The following ZNF407 variants were observed in gnomAD, a reference collection of about 807,000 sequenced individuals.
ZNF407 encodes zinc finger protein 407.
Under a neutral mutation model 131.2 loss-of-function variants are expected in ZNF407, and 17 were observed. That is an observed-to-expected ratio of 0.13 (90% CI 0.09 to 0.19). The LOEUF (loss-of-function observed/expected upper bound fraction) is 0.19. ZNF407 is among the 10% of genes least tolerant of loss of function. ZNF407 has a pLI of 1.00. For synonymous variants in ZNF407, 1,156 were observed against 1,062.0 expected, an observed-to-expected ratio of 1.09 and a Z score of -1.72; for missense variants, 2,681 against 2,830.6, an observed-to-expected ratio of 0.95 and a Z score of 1.20.
At position 74,928,793 on chromosome 18, in the gene ZNF407, C is replaced by T. The variant is rs181160390; in HGVS notation, c.5428+8101C>T. On this transcript the variant is annotated intron_variant, in intron 8 of 8. Transcript: ENST00000299687. ...GTCCCTCCGGCCTTCCCTTCAGGGC[C>T]GGAGCTAGTTTTTCAGGTTTCTTTG... Among the ~76,000 whole-genome samples, 37 of 152,054 alleles carry T rather than the reference C, an allele frequency of 2.4e-4. No individual in the cohort carries two copies. The South Asian group carries it at 4.0e-3, about 16-fold the overall frequency.
At chr18:74,606,724 C>A (rs1296243644) in intron 1 of ZNF407, among the ~76,000 whole-genome samples, 7 of 152,130 alleles carry the variant, frequency 4.6e-5, no homozygotes, top group Admixed American at 2.6e-4. Flanking sequence ...GGAATTATTT[C>A]AAAGTAGACT....
At chr18:74,732,189 A>C (rs1323525912) in intron 3 of ZNF407, among the ~76,000 whole-genome samples, 1 of 152,214 alleles carries the variant, frequency 6.6e-6, no homozygotes, top group Non-Finnish European at 1.5e-5. Flanking sequence ...CATCTTGGGA[A>C]AATGAATGGG....
chr18:74,903,368 T>C (rs1034069607), intron 7 of ZNF407, among the ~76,000 whole-genome samples: 2 of 152,208 alleles, frequency 1.3e-5, no homozygotes, highest in African/African-American at 4.8e-5. Context: ...GTAATATTTT[T>C]TTCTAGACAA....
chr18:75,017,819 C>G (rs1209193953), intron 8 of ZNF407, among the ~76,000 whole-genome samples: 1 of 152,124 alleles, frequency 6.6e-6, no homozygotes, highest in Non-Finnish European at 1.5e-5. Flanking sequence ...CAAAGTTGTT[C>G]TTCTGAAAGA....
At chr18:74,804,299 AG>A in intron 4 of ZNF407, 4 of 1,155,834 alleles carry the variant, frequency 3.5e-6, no homozygotes, top group Non-Finnish European at 2.1e-6. Flanking sequence ...ATCATCAATG[AG>A]TTAAAAAAAA....
At chr18:74,916,276 T>A in intron 7 of ZNF407, among the ~76,000 whole-genome samples, 1 of 121,234 alleles carries the variant, frequency 8.2e-6, no homozygotes, top group African/African-American at 3.9e-5. Context: ...GAATCGGGAG[T>A]GTGTGTGTGT....
At chr18:74,716,707 G>A (rs1385083041) in intron 3 of ZNF407, among the ~76,000 whole-genome samples, 1 of 152,140 alleles carries the variant, frequency 6.6e-6, no homozygotes, top group African/African-American at 2.4e-5. Flanking sequence ...TAAAATATGA[G>A]AAGTGGTTCG....
Position 74,756,725 on chromosome 18 carries a change from G to A in ZNF407, c.4803-24703G>A, listed in dbSNP as rs1271641549. 1.2e-4 allele frequency among the ~76,000 whole-genome samples: 13 copies of A among 109,828 alleles called. No individual in the cohort carries two copies. The Admixed American group carries it at 1.3e-3, about 11-fold the overall frequency. 72.1% of individuals were successfully genotyped at this position (109,828 alleles called of 152,430 possible). A position where few individuals can be genotyped will look rare whatever the true frequency, so the allele number is the denominator to read the frequency against. On this transcript the variant is annotated intron_variant, in intron 3 of 8. Coordinates refer to ENST00000299687, the MANE Select transcript of ZNF407 (RefSeq NM_017757.3). The stretch of plus-strand genomic sequence containing the variant: ...TTCTGTGTACAAGATCCTGTCATCT[G>A]TGAATATGTCTTTGTAGAAGGTTTT...
intron 3 of ZNF407, among the ~76,000 whole-genome samples, chr18:74,695,401 C>T (rs1418763666): frequency 6.6e-6 from 1 of 152,176 alleles, no homozygotes; most frequent in Non-Finnish European, 1.5e-5. Context: ...AAAATACACT[C>T]TGGTGACAAT....
chr18:74,655,190 T>A (rs1412326349), intron 3 of ZNF407, among the ~76,000 whole-genome samples: 9 of 152,026 alleles, frequency 5.9e-5, no homozygotes, highest in Non-Finnish European at 1.3e-4. Flanking sequence ...ATCTCTAAAT[T>A]CAGTCATTTT....
chr18:75,032,519 G>A (rs7229880), intron 8 of ZNF407, among the ~76,000 whole-genome samples: 19,761 of 151,896 alleles, frequency 0.13, 1,326 homozygotes, highest in South Asian at 0.21. Flanking sequence ...CTCTTCTCTC[G>A]ACTCTAAGGT....
At chr18:74,987,407 G>A (rs964476876) in intron 8 of ZNF407, among the ~76,000 whole-genome samples, 5 of 152,138 alleles carry the variant, frequency 3.3e-5, no homozygotes, top group South Asian at 4.1e-4. Context: ...AAGATTGTAC[G>A]CGAGGAACGG....
chr18:74,938,080 C>T (rs1282220246), intron 8 of ZNF407, among the ~76,000 whole-genome samples: 2 of 152,082 alleles, frequency 1.3e-5, no homozygotes, highest in Non-Finnish European at 2.9e-5. Flanking sequence ...TTTACCAATC[C>T]CAGCGCATTA....
chr18:74,608,524 T>G (rs916491856), intron 1 of ZNF407, among the ~76,000 whole-genome samples: 11 of 152,132 alleles, frequency 7.2e-5, no homozygotes, highest in Admixed American at 3.3e-4. Flanking sequence ...TTTTTGTGTT[T>G]TTGGTAGATA....
At chr18:74,675,082 G>A (rs1986300675) in intron 3 of ZNF407, among the ~76,000 whole-genome samples, 1 of 152,098 alleles carries the variant, frequency 6.6e-6, no homozygotes, top group Admixed American at 6.5e-5. Context: ...TGCATTTCCT[G>A]TCACTCTCTA....
At chr18:74,893,613 G>T (rs1393025843) in intron 7 of ZNF407, among the ~76,000 whole-genome samples, 1 of 152,150 alleles carries the variant, frequency 6.6e-6, no homozygotes, top group Non-Finnish European at 1.5e-5. Flanking sequence ...TCTAAGGATT[G>T]TTTTTGTTGC....
chr18:75,046,114 A>G (rs1271270781), intron 8 of ZNF407, among the ~76,000 whole-genome samples: 1 of 152,178 alleles, frequency 6.6e-6, no homozygotes, highest in Admixed American at 6.5e-5. Context: ...TTGAACTATA[A>G]TGCTACAATT....
At chr18:74,818,188 T>A (rs2145097654) in intron 4 of ZNF407, among the ~76,000 whole-genome samples, 1 of 152,278 alleles carries the variant, frequency 6.6e-6, no homozygotes, top group Non-Finnish European at 1.5e-5. Flanking sequence ...CATGTCTCCC[T>A]TGTGTGTTAG....
At chr18:74,849,520 G>T (rs1970751720) in intron 4 of ZNF407, among the ~76,000 whole-genome samples, 1 of 152,070 alleles carries the variant, frequency 6.6e-6, no homozygotes, top group Admixed American at 6.5e-5. Context: ...AAAGTGTGTG[G>T]TCAGGGGTGG....
Sources: allele counts gnomAD v4.1 joint callset (sites outside exome capture counted in the v4.1 genomes callset), GRCh38; gene constraint gnomAD v4.1.1; transcripts MANE v1.5; gene names NCBI Gene and HGNC (gene_info 2026-07-23, HGNC 2026-07-21).